CEPT1: variants seen among roughly 807,000 people sequenced by gnomAD.
CEPT1 encodes the protein choline/ethanolamine phosphotransferase 1.
A neutral mutation model predicts 42.6 loss-of-function variants in CEPT1; 7 were observed. The ratio of observed to expected loss-of-function variants is 0.16; its 90% CI spans 0.09 to 0.31. The LOEUF is 0.31. Ranked by LOEUF, CEPT1 falls within the 10% of genes least tolerant of loss-of-function variation. The pLI is 1.00. For synonymous variants in CEPT1, 171 were observed against 171.9 expected (o/e 0.99, Z 0.04); for missense variants, 306 against 502.1 (o/e 0.61, Z 3.73).
intron 4 of CEPT1, among the ~76,000 whole-genome samples, chr1:111,171,671 A>G (rs1375863156): frequency 6.6e-6 from 1 of 152,242 alleles, no homozygotes; most frequent in Non-Finnish European, 1.5e-5. Flanking sequence ...GGTTATCCCC[A>G]GTAACTGGGA....
intron 2 of CEPT1, among the ~76,000 whole-genome samples, chr1:111,150,288 A>G (rs969063455): frequency 6.6e-6 from 1 of 152,220 alleles, no homozygotes; most frequent in African/African-American, 2.4e-5. Flanking sequence ...TTGTGGTATG[A>G]TGATCATACA....
chr1:111,173,954 A>AT (rs1571149978), intron 4 of CEPT1, among the ~76,000 whole-genome samples: 1 of 152,022 alleles, frequency 6.6e-6, no homozygotes, highest in African/African-American at 2.4e-5. Flanking sequence ...CTCTGAGGGA[A>AT]TTTTTTTAAA....
At chr1:111,159,907 CTTGGA>C (rs1222101343) in intron 3 of CEPT1, 1 of 157,734 alleles carries the variant, frequency 6.3e-6, no homozygotes, top group Non-Finnish European at 1.4e-5. Context: ...TGTTAATGGA[CTTGGA>C]TTATAACTAC....
intron 1 of CEPT1, among the ~76,000 whole-genome samples, chr1:111,147,346 A>G (rs190024108): frequency 6.6e-6 from 1 of 152,346 alleles, no homozygotes; most frequent in East Asian, 1.9e-4. Context: ...GCATTATACA[A>G]CTGAAAGCAG....
At chr1:111,166,025 A>G (rs1656129674) in intron 4 of CEPT1, among the ~76,000 whole-genome samples, 2 of 152,180 alleles carry the variant, frequency 1.3e-5, no homozygotes, top group African/African-American at 4.8e-5. Context: ...TTTATCTTTA[A>G]ATGTCTAATA....
intron 1 of CEPT1, among the ~76,000 whole-genome samples, chr1:111,144,559 T>C (rs941912852): frequency 2.6e-5 from 4 of 152,156 alleles, no homozygotes; most frequent in African/African-American, 4.8e-5. Flanking sequence ...GGGGAAAAAC[T>C]GAGAGGGAAA....
intron 4 of CEPT1, among the ~76,000 whole-genome samples, chr1:111,165,341 C>T (rs1256718475): frequency 6.6e-5 from 10 of 151,758 alleles, no homozygotes; most frequent in Admixed American, 6.5e-4. Flanking sequence ...AGCCACTGCG[C>T]CCGGCCTAAA....
intron 5 of CEPT1, chr1:111,178,563 T>C (rs988261849): frequency 6.6e-6 from 1 of 152,078 alleles, no homozygotes; most frequent in African/African-American, 2.4e-5. Context: ...TGTTTGTTGC[T>C]TCCCCAAAAG....
intron 2 of CEPT1, 136 bp downstream of exon 2, chr1:111,148,189 AAAGC>A: frequency 8.7e-6 from 6 of 692,642 alleles, no homozygotes; most frequent in South Asian, 1.9e-5. Flanking sequence ...ACACTGTGAT[AAAGC>A]TTGTAAGTAC....
intron 4 of CEPT1, among the ~76,000 whole-genome samples, chr1:111,173,675 A>G (rs1656532203): frequency 2.6e-5 from 4 of 152,158 alleles, no homozygotes. Context: ...CCCAGTTTCT[A>G]TACTATACTC....
chr1:111,183,317 ATAT>A, intron 7 of CEPT1, 142 bp from the exon 8 acceptor site: 1 of 877,952 alleles, frequency 1.1e-6, no homozygotes, highest in Non-Finnish European at 1.7e-6. Flanking sequence ...GACGCATTTC[ATAT>A]TGTTGGGTTT....
chr1:111,150,956 T>C (rs1655237813), intron 2 of CEPT1, among the ~76,000 whole-genome samples: 1 of 152,216 alleles, frequency 6.6e-6, no homozygotes. Flanking sequence ...TATATGTTAA[T>C]ATACTTGTGT....
intron 3 of CEPT1, chr1:111,160,938 C>T (rs1655834625): frequency 1.1e-5 from 6 of 551,558 alleles, no homozygotes; most frequent in African/African-American, 6.0e-5. Flanking sequence ...ACTTTGCTTC[C>T]ACTAAGTGAT....
At chr1:111,167,374 A>G (rs1656191743) in intron 4 of CEPT1, 1 of 945,544 alleles carries the variant, frequency 1.1e-6, no homozygotes. Context: ...CCACCCTATT[A>G]AATAAAATTT....
chr1:111,174,785 T>C (rs1656595355), intron 4 of CEPT1, 94 bp from the exon 5 acceptor site: 1 of 691,484 alleles, frequency 1.4e-6, no homozygotes, highest in Non-Finnish European at 2.5e-6. Context: ...TTTTTTCTAT[T>C]GTGCATGATA....
intron 8 of CEPT1, 127 bp downstream of exon 8, chr1:111,183,714 C>A: frequency 3.0e-6 from 3 of 998,068 alleles, no homozygotes; most frequent in Non-Finnish European, 4.5e-6. Flanking sequence ...CAGAAATCCA[C>A]ATAAATGGGG....
chr1:111,154,679 T>C (rs916089815), intron 2 of CEPT1, among the ~76,000 whole-genome samples: 1 of 152,154 alleles, frequency 6.6e-6, no homozygotes, highest in African/African-American at 2.4e-5. Flanking sequence ...TAATTTGTGG[T>C]GACGTTTTAT....
chr1:111,145,207 G>A (rs1178969759), intron 1 of CEPT1, among the ~76,000 whole-genome samples: 1 of 152,090 alleles, frequency 6.6e-6, no homozygotes, highest in African/African-American at 2.4e-5. Context: ...GTAGAGACGG[G>A]GTTTCACCGT....
intron 4 of CEPT1, among the ~76,000 whole-genome samples, chr1:111,168,359 A>G (rs1656241051): frequency 6.6e-6 from 1 of 152,070 alleles, no homozygotes; most frequent in Non-Finnish European, 1.5e-5. Flanking sequence ...ACAGATCATT[A>G]TATCAATGCA....
Sources: gnomAD v4.1 joint callset for allele counts (sites outside exome capture counted in the v4.1 genomes callset) on GRCh38, gnomAD v4.1.1 for gene constraint, MANE v1.5 for transcripts, NCBI Gene and HGNC (gene_info 2026-07-23, HGNC 2026-07-21) for gene names.